Variants in UBE2Z observed in about 807,000 individuals in gnomAD.
The protein encoded by UBE2Z is ubiquitin-conjugating enzyme E2 Z.
UBE2Z carries 10 observed loss-of-function variants against 32.6 expected under a neutral mutation model. The ratio of observed to expected loss-of-function variants is 0.31; its 90% confidence interval spans 0.19 to 0.52. The LOEUF is 0.52. Ranked by LOEUF, UBE2Z falls within the 20% of genes least tolerant of loss-of-function variation. The probability of loss-of-function intolerance (pLI) is 0.97; values close to 1 mark genes in which losing one functional copy is unlikely to be tolerated. For missense variants in UBE2Z, 343 were observed against 480.9 expected, an observed-to-expected ratio of 0.71 and a Z score of 2.68; for synonymous variants, 183 against 190.8, an observed-to-expected ratio of 0.96 and a Z score of 0.34.
intron 2 of UBE2Z, chr17:48,911,992 A>G (rs318093): frequency 0.41 from 62,381 of 151,526 alleles, 15,374 homozygotes; most frequent in East Asian, 0.71. Flanking sequence ...AGGGGGGGAA[A>G]TCCTGTTGAA....
intron 5 of UBE2Z, 77 bp downstream of exon 5, chr17:48,921,349 T>A: frequency 8.9e-7 from 1 of 1,125,950 alleles, no homozygotes. Flanking sequence ...GAGTACAGTG[T>A]TGGGTACCAG....
intron 1 of UBE2Z, 127 bp downstream of exon 1, chr17:48,908,947 C>A: frequency 1.5e-6 from 1 of 688,898 alleles, no homozygotes; most frequent in Non-Finnish European, 2.1e-6. Flanking sequence ...ACCTCCACGG[C>A]CCAAATCTTG....
intron 6 of UBE2Z, among the ~76,000 whole-genome samples, chr17:48,923,287 C>T (rs1386096100): frequency 7.1e-6 from 1 of 141,106 alleles, no homozygotes; most frequent in Non-Finnish European, 1.5e-5. Context: ...TGCCACTGCA[C>T]TTCAGCCTGG....
At chr17:48,909,971 C>A (rs2040664153) in intron 1 of UBE2Z, among the ~76,000 whole-genome samples, 1 of 152,206 alleles carries the variant, frequency 6.6e-6, no homozygotes, top group African/African-American at 2.4e-5. Flanking sequence ...GCACTCAACT[C>A]TTTTCCTCCT....
In UBE2Z at chr17:48,912,903, T is replaced by G; in HGVS notation, c.460T>G (p.Cys154Gly). Residue 154 changes from cysteine to glycine, a missense_variant, in exon 3 of 7, where the codon TGT becomes GGT. Physicochemically the swap from Cys to Gly is radical, Grantham distance 159 (BLOSUM62 -3). This residue lies in a region of UBE2Z where 182 missense variants were observed against 312.4 expected (regional missense o/e 0.58). Transcript: ENST00000360943. ...GGGTTTCTTCCTGTTCGTGTTTCGG[T>G]GTCCGCCCGACTATCCCATCCACCC... is the stretch of plus-strand genomic sequence containing the variant. ...EGGFFLFVFR[C>G]PPDYPIHPPR... The G allele has an allele frequency of 6.2e-7, 1 of 1,613,910 alleles. No homozygotes were observed. The highest frequency in any genetic ancestry group is 8.5e-7 in the Non-Finnish European group (1 of 1,179,874).
At chr17:48,912,807 A>G (rs2040689969) in intron 2 of UBE2Z, 27 bp from the exon 3 acceptor site, 7 of 1,611,728 alleles carry the variant, frequency 4.3e-6, no homozygotes, top group East Asian at 2.2e-5. Flanking sequence ...TCACCTCACA[A>G]TTTTGAGATG....
chr17:48,923,514 C>T (rs956592831), intron 6 of UBE2Z, among the ~76,000 whole-genome samples: 1 of 151,804 alleles, frequency 6.6e-6, no homozygotes, highest in African/African-American at 2.4e-5. Context: ...TGCCTATAAT[C>T]CCGGCTACTT....
intron 3 of UBE2Z, 138 bp downstream of exon 3, chr17:48,913,159 A>G: frequency 3.5e-6 from 3 of 854,724 alleles, no homozygotes; most frequent in Non-Finnish European, 5.4e-6. Context: ...TCTCCTCAGG[A>G]TGGTATGTGA....
intron 2 of UBE2Z, 61 bp downstream of exon 2, chr17:48,910,941 A>T (rs1268360490): frequency 9.8e-6 from 13 of 1,321,128 alleles, no homozygotes; most frequent in Non-Finnish European, 1.3e-5. Context: ...AGGTTGCAAA[A>T]GCCTAAAAGA....
In UBE2Z at chr17:48,927,057, A is replaced by G; in HGVS notation, c.988A>G (p.Asn330Asp). Residue 330 changes from asparagine (N) to aspartate (D), a missense_variant, in exon 7 of 7, where the codon AAT becomes GAT. Asn to Asp is a conservative substitution (Grantham distance 23, BLOSUM62 1). This residue lies in a region of UBE2Z where 182 missense variants were observed against 312.4 expected (regional missense o/e 0.58). Coordinates refer to ENST00000360943, the MANE Select transcript of UBE2Z (RefSeq NM_023079.5). The stretch of plus-strand genomic sequence containing the variant: ...TCAGAAAGTGCTGGAGAGGCTCCAT[A>G]ATGAGAATGCAGAAATGGACTCTGA... ...IRQKVLERLHNENAEMDSDSS... is the reference protein window; with the variant it reads ...IRQKVLERLHDENAEMDSDSS... The G allele has an allele frequency of 6.2e-7, 1 of 1,613,914 alleles. No individual in the cohort carries two copies. The highest frequency in any genetic ancestry group is 8.5e-7 in the Non-Finnish European group (1 of 1,179,860).
At chr17:48,914,967 G>C (rs1032852350) in intron 3 of UBE2Z, among the ~76,000 whole-genome samples, 1 of 152,186 alleles carries the variant, frequency 6.6e-6, no homozygotes, top group African/African-American at 2.4e-5. Flanking sequence ...GTTGCAGTGA[G>C]CCAAGATCAC....
intron 2 of UBE2Z, chr17:48,912,305 A>C (rs2040685207): frequency 6.5e-6 from 1 of 154,438 alleles, no homozygotes; most frequent in African/African-American, 2.4e-5. Context: ...TCCTTTCATC[A>C]TACTTTCCCT....
Position 48,916,158 on chromosome 17 carries a change from C to T in UBE2Z, c.661C>T (p.Pro221Ser). 1 of 1,581,104 alleles carries T rather than the reference C, an allele frequency of 6.3e-7. No homozygotes were observed. Among genetic ancestry groups the T allele is most frequent in the Non-Finnish European group, 8.6e-7 (1 of 1,166,120 alleles). The part of the protein sequence containing the change: ...ISIQSLMTEN[P>S]YHNEPGFEQE... The stretch of plus-strand genomic sequence containing the variant: ...TATCCAGTCCCTGATGACTGAGAAC[C>T]CCTATCACAATGAGCCCGGCTTTGA... The change falls in exon 4 of 7, where the codon CCC becomes TCC. Residue 221 changes from proline (P) to serine (S), a missense_variant. Coordinates refer to ENST00000360943, the MANE Select transcript of UBE2Z (RefSeq NM_023079.5).
Position 48,927,485 on chromosome 17 carries a change from A to G in UBE2Z, c.*351A>G, listed in dbSNP as rs2040806110. 9.6e-6 allele frequency: 2 copies of G among 208,222 alleles called. No homozygotes were observed. The highest frequency in any genetic ancestry group is 2.0e-5 in the Non-Finnish European group (2 of 100,674). The allele number at this position is 208,222 out of a possible 1,614,324, so 12.9% of individuals were successfully genotyped here. On this transcript the variant is annotated 3_prime_UTR_variant, in exon 7 of 7. Coordinates refer to ENST00000360943, the MANE Select transcript of UBE2Z (RefSeq NM_023079.5). ...GGATAAGTGGAAGATGGAAATTGCA[A>G]TTCCAAGAGGGAGTGTGCCCAAATG...
chr17:48,914,003 T>A (rs1324519448), intron 3 of UBE2Z, among the ~76,000 whole-genome samples: 1 of 152,202 alleles, frequency 6.6e-6, no homozygotes, highest in Admixed American at 6.5e-5. Context: ...CCCAAAGCAC[T>A]GGGGTTACAG....
At chr17:48,912,584 G>T (rs937602000) in intron 2 of UBE2Z, 3 of 441,438 alleles carry the variant, frequency 6.8e-6, no homozygotes, top group Admixed American at 3.6e-5. Context: ...TTCAGTTTTC[G>T]CCTTGGGCTC....
rs1484465804 is a variant in UBE2Z, at chr17:48,908,532, CAACGGCGGGCGCCGG to C, written c.30_44del (p.Thr11_Gly15del). ...GCGGAGAGTCCGACTGAGGAGGCGGCAACGGCGGGCGCCGGGGCGGCGGGCCCCGGGGCGAGCAGC... is the reference window on the plus strand; with the variant it reads ...GCGGAGAGTCCGACTGAGGAGGCGGCGGCGGCGGGCCCCGGGGCGAGCAGC... On this transcript the variant is annotated inframe_deletion, in exon 1 of 7. Coordinates refer to ENST00000360943, the MANE Select transcript of UBE2Z (RefSeq NM_023079.5). 1 of 1,235,658 alleles carries C rather than the reference CAACGGCGGGCGCCGG, an allele frequency of 8.1e-7. No homozygotes were observed. 76.5% of individuals were successfully genotyped at this position (1,235,658 alleles called of 1,614,324 possible).
intron 4 of UBE2Z, among the ~76,000 whole-genome samples, chr17:48,918,228 A>G (rs985010033): frequency 1.3e-5 from 2 of 152,134 alleles, no homozygotes; most frequent in African/African-American, 2.4e-5. Flanking sequence ...GTGAGCAACC[A>G]TGCCTGGCCA....
intron 3 of UBE2Z, chr17:48,915,751 GA>G (rs1429562985): frequency 3.9e-6 from 1 of 255,880 alleles, no homozygotes; most frequent in Admixed American, 6.1e-5. Context: ...TTAACATTTA[GA>G]CAACTTTGGA....
Sources: allele counts gnomAD v4.1 joint callset (sites outside exome capture counted in the v4.1 genomes callset), GRCh38; gene constraint gnomAD v4.1.1; regional missense constraint gnomAD v4.1.1; transcripts MANE v1.5; gene names NCBI Gene and HGNC (gene_info 2026-07-23, HGNC 2026-07-21).